The following ARB2A variants were observed in gnomAD, a reference collection of about 807,000 sequenced individuals.
The protein encoded by ARB2A is ARB2 cotranscriptional regulator A.
At chr5:93,723,715 C>A in the ARB2A span, among the ~76,000 whole-genome samples, 1 of 151,782 alleles carries the variant, frequency 6.6e-6, no homozygotes, top group East Asian at 1.9e-4. Flanking sequence ...AATACTTGGC[C>A]CATGAAATCC....
chr5:93,709,359 G>T, the ARB2A span, among the ~76,000 whole-genome samples: 1 of 152,026 alleles, frequency 6.6e-6, no homozygotes, highest in South Asian at 2.1e-4. Flanking sequence ...AGAGGGCCAG[G>T]CGCGGTGGCT....
chr5:93,740,631 T>A, the ARB2A span: 3 of 1,611,090 alleles, frequency 1.9e-6, no homozygotes, highest in South Asian at 1.1e-5. Flanking sequence ...GGGCTACCCC[T>A]GCAGAGTAGA....
the ARB2A span, among the ~76,000 whole-genome samples, chr5:93,712,554 A>G: frequency 8.3e-4 from 127 of 152,298 alleles, 1 homozygote; most frequent in South Asian, 1.2e-3. Flanking sequence ...AGAAAATCCT[A>G]AAGATTCTAT....
the ARB2A span, among the ~76,000 whole-genome samples, chr5:93,758,202 C>T: frequency 6.6e-6 from 1 of 152,048 alleles, no homozygotes; most frequent in Non-Finnish European, 1.5e-5. Context: ...ATATCACAAT[C>T]CTAAACATAC....
the ARB2A span, among the ~76,000 whole-genome samples, chr5:93,798,383 GTTTC>G: frequency 6.6e-6 from 1 of 152,182 alleles, no homozygotes; most frequent in South Asian, 2.1e-4. Flanking sequence ...TCAATTAAAT[GTTTC>G]TAGAAGGTAA....
the ARB2A span, among the ~76,000 whole-genome samples, chr5:93,829,828 A>T: frequency 6.6e-6 from 1 of 152,206 alleles, no homozygotes; most frequent in Non-Finnish European, 1.5e-5. Flanking sequence ...TGGTTAACAT[A>T]AAAATGAGGA....
the ARB2A span, among the ~76,000 whole-genome samples, chr5:93,625,717 T>C: frequency 6.6e-6 from 1 of 152,158 alleles, no homozygotes; most frequent in Non-Finnish European, 1.5e-5. Context: ...AAAGATCAAA[T>C]TGCTAAAATG....
the ARB2A span, chr5:93,881,741 A>G: frequency 7.7e-7 from 1 of 1,294,070 alleles, no homozygotes; most frequent in Non-Finnish European, 1.0e-6. Flanking sequence ...ATCCATTTCA[A>G]TTTTCAAAAA....
the ARB2A span, among the ~76,000 whole-genome samples, chr5:93,922,009 A>G: frequency 2.6e-5 from 4 of 152,202 alleles, no homozygotes; most frequent in African/African-American, 9.7e-5. Flanking sequence ...GTCTCTAGAT[A>G]GGGGTTCATA....
chr5:93,752,360 T>C, the ARB2A span, among the ~76,000 whole-genome samples: 1 of 152,324 alleles, frequency 6.6e-6, no homozygotes, highest in East Asian at 1.9e-4. Flanking sequence ...TCAAAACTTA[T>C]AATTTTAAGT....
At chr5:93,844,215 G>A in the ARB2A span, among the ~76,000 whole-genome samples, 133 of 152,002 alleles carry the variant, frequency 8.7e-4, no homozygotes, top group South Asian at 8.9e-3. Context: ...AGGCCCAGGC[G>A]AGTGGACTGC....
chr5:93,967,201 T>C, the ARB2A span, among the ~76,000 whole-genome samples: 28 of 152,100 alleles, frequency 1.8e-4, 1 homozygote, highest in Non-Finnish European at 3.1e-4. Context: ...TGTGTTCAAA[T>C]GTTCACTGGG....
At chr5:94,043,521 G>C in the ARB2A span, among the ~76,000 whole-genome samples, 1 of 152,168 alleles carries the variant, frequency 6.6e-6, no homozygotes, top group Non-Finnish European at 1.5e-5. Context: ...GGAAAAACTG[G>C]TTATTTTACC....
chr5:93,848,783 T>C, the ARB2A span, among the ~76,000 whole-genome samples: 3 of 152,148 alleles, frequency 2.0e-5, no homozygotes, highest in Admixed American at 6.6e-5. Context: ...TTGTTGGGAG[T>C]AGACTGTCAC....
chr5:94,060,308 C>T, the ARB2A span, among the ~76,000 whole-genome samples: 16 of 152,046 alleles, frequency 1.1e-4, no homozygotes, highest in Middle Eastern at 3.4e-3. Context: ...GCCAAGATCA[C>T]GCCACTGCAC....
the ARB2A span, among the ~76,000 whole-genome samples, chr5:93,908,317 T>A: frequency 6.6e-6 from 1 of 150,918 alleles, no homozygotes; most frequent in African/African-American, 2.4e-5. Flanking sequence ...AAAATATATT[T>A]TAAATGACAC....
chr5:94,106,806 A>G, the ARB2A span, among the ~76,000 whole-genome samples: 2 of 151,128 alleles, frequency 1.3e-5, no homozygotes, highest in African/African-American at 4.9e-5. Context: ...ATAAAAAAGA[A>G]TAAAATCATG....
the ARB2A span, among the ~76,000 whole-genome samples, chr5:94,059,758 T>C: frequency 6.9e-6 from 1 of 145,680 alleles, no homozygotes; most frequent in East Asian, 2.0e-4. Context: ...AAAAAAAAAG[T>C]CCATCAACCT....
At chr5:94,045,363 G>T in the ARB2A span, among the ~76,000 whole-genome samples, 2 of 151,890 alleles carry the variant, frequency 1.3e-5, no homozygotes, top group Non-Finnish European at 2.9e-5. Context: ...TTTCTTATGT[G>T]ACATCCAAGA....
Sources: allele counts gnomAD v4.1 joint callset (sites outside exome capture counted in the v4.1 genomes callset), GRCh38; gene constraint gnomAD v4.1.1; transcripts MANE v1.5; gene names NCBI Gene and HGNC (gene_info 2026-07-23, HGNC 2026-07-21).